The following DNAH11 variants were observed in gnomAD, a reference collection of about 807,000 sequenced individuals.
DNAH11 encodes the protein axonemal beta dynein heavy chain 11.
A neutral mutation model predicts 526.0 loss-of-function variants in DNAH11; 442 were observed. The observed-to-expected ratio is 0.84, with a 90% CI of 0.78 to 0.91. The LOEUF (loss-of-function observed/expected upper bound fraction) is 0.91. Ranked by LOEUF, DNAH11 falls within the 40% of genes least tolerant of loss-of-function variation. DNAH11 has a pLI of 0.00. For missense variants in DNAH11, 6,989 were observed against 5,448.7 expected (o/e 1.28, Z -8.90); for synonymous variants, 2,461 against 1,935.9 (o/e 1.27, Z -7.12).
chr7:21,762,112 C>T (rs1350787647), intron 54 of DNAH11, among the ~76,000 whole-genome samples: 3 of 152,110 alleles, frequency 2.0e-5, no homozygotes, highest in Non-Finnish European at 4.4e-5. Context: ...GGGGAAACCA[C>T]CCCCATGCTC....
chr7:21,744,371 T>A, intron 49 of DNAH11, 67 bp from the exon 50 acceptor site: 1 of 1,529,542 alleles, frequency 6.5e-7, no homozygotes, highest in Non-Finnish European at 8.9e-7. Context: ...GTTTAAAAAG[T>A]GTTAAACTCA....
chr7:21,852,581 G>T lies in DNAH11; in HGVS notation c.11011G>T (p.Val3671Leu). ...AAGCTTTCTGGATGACACCAAACTG[G>T]TAGAGAGATTGGAGGCAACAAAGAC... ...EGSFLDDTKL[V>L]ERLEATKTTV... The change falls in exon 67 of 82, where the codon GTA becomes TTA. Residue 3671 changes from valine to leucine, a missense_variant. By Grantham distance (32) the Val-to-Leu change is conservative (BLOSUM62 1). Coordinates refer to ENST00000409508, the MANE Select transcript of DNAH11 (RefSeq NM_001277115.2). The T allele has an allele frequency of 1.2e-6, 2 of 1,608,710 alleles. No individual in the cohort carries two copies. Among genetic ancestry groups the T allele is most frequent in the Non-Finnish European group, 1.7e-6 (2 of 1,178,430 alleles).
At chr7:21,655,460 T>G (rs747259792) in intron 28 of DNAH11, among the ~76,000 whole-genome samples, 46 of 152,308 alleles carry the variant, frequency 3.0e-4, no homozygotes, top group Admixed American at 8.5e-4. Flanking sequence ...TTTTTCATAG[T>G]GTACACTAAT....
intron 6 of DNAH11, among the ~76,000 whole-genome samples, chr7:21,569,771 A>C (rs950538072): frequency 2.6e-5 from 4 of 152,226 alleles, no homozygotes; most frequent in African/African-American, 9.6e-5. Flanking sequence ...GCTGGCAGGC[A>C]CAGTCATGCA....
At chr7:21,839,657 C>A (rs551259914) in intron 65 of DNAH11, among the ~76,000 whole-genome samples, 7 of 151,766 alleles carry the variant, frequency 4.6e-5, no homozygotes, top group Admixed American at 1.3e-4. Context: ...ATTGCTTATT[C>A]TCCTCTTGGA....
In DNAH11 at chr7:21,687,179, A is replaced by G. The variant is rs750672801; in HGVS notation, c.5702A>G (p.Glu1901Gly). The change falls in exon 33 of 82, where the codon GAG becomes GGG. Residue 1901 changes from glutamate to glycine, a missense_variant. Physicochemically the swap from Glu to Gly is moderately conservative, Grantham distance 98 (BLOSUM62 -2). Transcript: ENST00000409508. Reference sequence around the variant, plus strand: ...GGCCCAGCTGGTACCGGGAAAACAGAGACCACCAAAGACCTAGGACGTGCC... The same window carrying G: ...GGCCCAGCTGGTACCGGGAAAACAGGGACCACCAAAGACCTAGGACGTGCC... ...PAGPAGTGKT[E>G]TTKDLGRALG... 6.2e-7 allele frequency: 1 copy of G among 1,612,402 alleles called. No individual in the cohort carries two copies. Among genetic ancestry groups the G allele is most frequent in the African/African-American group, 1.3e-5 (1 of 74,900 alleles).
Position 21,785,856 on chromosome 7 carries a change from C to G in DNAH11, c.9598-768C>G, listed in dbSNP as rs1303328901. ...TCTGATAAGGGAGCAGAATCAGGTT[C>G]AACATTTGATAAGGTTTTATAAGCA... On this transcript the variant is annotated intron_variant, in intron 58 of 81. Coordinates refer to ENST00000409508, the MANE Select transcript of DNAH11 (RefSeq NM_001277115.2). 3.9e-5 allele frequency among the ~76,000 whole-genome samples: 6 copies of G among 152,304 alleles called. No individual in the cohort carries two copies. The South Asian group carries it at 8.3e-4, about 21-fold the overall frequency.
chr7:21,815,413 T>A (rs540825874), intron 63 of DNAH11, among the ~76,000 whole-genome samples: 1 of 152,308 alleles, frequency 6.6e-6, no homozygotes, highest in South Asian at 2.1e-4. Context: ...AACATTGTAG[T>A]CAGAGGCAGT....
chr7:21,863,798 A>G (rs1374775802), intron 69 of DNAH11, among the ~76,000 whole-genome samples: 3 of 152,248 alleles, frequency 2.0e-5, no homozygotes, highest in Non-Finnish European at 2.9e-5. Context: ...AAACTCAAGA[A>G]AAAATAATAT....
At chr7:21,784,679 AAGTTGAAACAAACCATTG>A in intron 58 of DNAH11, 139 bp downstream of exon 58, 1 of 595,638 alleles carries the variant, frequency 1.7e-6, no homozygotes, top group South Asian at 3.2e-5. Context: ...TGAAATATTA[AAGTTGAAACAAACCATTG>A]AGGTCATCAT....
At chr7:21,614,924 G>T (rs573169999) in intron 20 of DNAH11, among the ~76,000 whole-genome samples, 190 bp from the exon 21 acceptor site, 1 of 152,168 alleles carries the variant, frequency 6.6e-6, no homozygotes, top group Non-Finnish European at 1.5e-5. Flanking sequence ...ACAGTAATCT[G>T]TTCTCACTTT....
At chr7:21,830,854 A>G (rs1790521203) in intron 65 of DNAH11, among the ~76,000 whole-genome samples, 1 of 152,236 alleles carries the variant, frequency 6.6e-6, no homozygotes, top group African/African-American at 2.4e-5. Context: ...GGTACTCAGT[A>G]CAAATATATG....
chr7:21,679,697 C>G (rs539430241), intron 30 of DNAH11, among the ~76,000 whole-genome samples: 1 of 152,054 alleles, frequency 6.6e-6, no homozygotes, highest in Admixed American at 6.6e-5. Context: ...TTTCTCAGAC[C>G]TGAAGGGATG....
rs147656996 is a variant in DNAH11, at chr7:21,765,084, A to G, written c.8941-344A>G. On this transcript the variant is annotated intron_variant, in intron 54 of 81. Transcript: ENST00000409508. Reference sequence around the variant, plus strand: ...ATGAAAACATTGGTATTATTGTATCATGGTGATTTCTTCTTAATTTTTATT... The same window carrying G: ...ATGAAAACATTGGTATTATTGTATCGTGGTGATTTCTTCTTAATTTTTATT... Among the ~76,000 whole-genome samples, 874 of 152,346 alleles carry G rather than the reference A, an allele frequency of 5.7e-3. 11 individuals carry two copies. The highest frequency in any genetic ancestry group is 0.02 in the African/African-American group (823 of 41,594).
chr7:21,766,551 A>G (rs1196139959), intron 55 of DNAH11, among the ~76,000 whole-genome samples: 1 of 152,190 alleles, frequency 6.6e-6, no homozygotes, highest in Non-Finnish European at 1.5e-5. Flanking sequence ...CCGTTACCCA[A>G]AAGGCATAAC....
At chr7:21,747,547 C>T in intron 51 of DNAH11, among the ~76,000 whole-genome samples, 1 of 152,076 alleles carries the variant, frequency 6.6e-6, no homozygotes, top group Non-Finnish European at 1.5e-5. Flanking sequence ...TTTCTTCAAA[C>T]CCATCTTTTG....
At chr7:21,760,564 G>T (rs1206397454) in intron 54 of DNAH11, among the ~76,000 whole-genome samples, 1 of 152,210 alleles carries the variant, frequency 6.6e-6, no homozygotes, top group East Asian at 1.9e-4. Flanking sequence ...TTGATACTTA[G>T]ATTTTGAAAT....
At chr7:21,888,560 G>T (rs1365217463) in intron 76 of DNAH11, among the ~76,000 whole-genome samples, 3 of 151,940 alleles carry the variant, frequency 2.0e-5, no homozygotes, top group Non-Finnish European at 4.4e-5. Flanking sequence ...TGTGATCTCG[G>T]CTCACTGCAA....
chr7:21,790,471 A>G lies in DNAH11; in HGVS notation c.10026+1129A>G, dbSNP rs1320287547. Among the ~76,000 whole-genome samples, 3 of 152,160 alleles carry G rather than the reference A, an allele frequency of 2.0e-5. No individual in the cohort carries two copies. The East Asian group carries it at 5.8e-4, about 29-fold the overall frequency. On this transcript the variant is annotated intron_variant, in intron 61 of 81. Transcript: ENST00000409508. Reference sequence around the variant, plus strand: ...TCTCAAACAACAAAAAGAAAAGAAAATATTTTCAATGAATATTGTATGTAC... The same window carrying G: ...TCTCAAACAACAAAAAGAAAAGAAAGTATTTTCAATGAATATTGTATGTAC...
Sources: allele counts gnomAD v4.1 joint callset (sites outside exome capture counted in the v4.1 genomes callset), GRCh38; gene constraint gnomAD v4.1.1; transcripts MANE v1.5; gene names NCBI Gene and HGNC (gene_info 2026-07-23, HGNC 2026-07-21).